The following TSPAN9 variants were observed in gnomAD, a reference collection of about 807,000 sequenced individuals.
TSPAN9 encodes the protein tetraspanin-9.
Under a neutral mutation model 31.0 loss-of-function variants are expected in TSPAN9, and 16 were observed. That is an observed-to-expected ratio of 0.52 (90% CI 0.35 to 0.78). The LOEUF (loss-of-function observed/expected upper bound fraction) is 0.78. Among genes scored for constraint, TSPAN9 ranks in the 30% least tolerant of loss-of-function variants. The probability of loss-of-function intolerance (pLI) is 0.01; values close to 1 mark genes in which losing one functional copy is unlikely to be tolerated. For synonymous variants in TSPAN9, 145 were observed against 121.6 expected (o/e 1.19, Z -1.27); for missense variants, 272 against 312.5 (o/e 0.87, Z 0.98).
At chr12:3,077,506 G>A (rs1268060774) in intron 1 of TSPAN9, 53 bp downstream of exon 1, 1 of 152,536 alleles carries the variant, frequency 6.6e-6, no homozygotes, top group East Asian at 1.9e-4. Flanking sequence ...AGCGTGCGGA[G>A]TCGCGCGGCC....
chr12:3,275,372 G>A (rs1289547819), intron 3 of TSPAN9, among the ~76,000 whole-genome samples: 1 of 152,178 alleles, frequency 6.6e-6, no homozygotes, highest in Non-Finnish European at 1.5e-5. Context: ...AGCGTGTGGG[G>A]GCGCCCTGCA....
intron 1 of TSPAN9, among the ~76,000 whole-genome samples, chr12:3,081,844 G>GTGTGTATATATATATATATATATA (rs57812985): frequency 1.7e-5 from 2 of 116,738 alleles, no homozygotes; most frequent in African/African-American, 7.3e-5. Context: ...GTCTGTGTGT[G>GTGTGTATATATATATATATATATA]TATATATATG....
chr12:3,174,619 G>T (rs1012432249), intron 2 of TSPAN9, among the ~76,000 whole-genome samples: 1 of 152,088 alleles, frequency 6.6e-6, no homozygotes, highest in African/African-American at 2.4e-5. Flanking sequence ...GTCTCACTCT[G>T]TCGCCCAGGC....
chr12:3,271,861 C>T (rs1462546198), intron 3 of TSPAN9, among the ~76,000 whole-genome samples: 1 of 152,134 alleles, frequency 6.6e-6, no homozygotes, highest in Non-Finnish European at 1.5e-5. Context: ...CTCCTGGCAC[C>T]GATGTATTGT....
chr12:3,272,646 C>A (rs764110615), intron 3 of TSPAN9, among the ~76,000 whole-genome samples: 1 of 152,096 alleles, frequency 6.6e-6, no homozygotes, highest in Non-Finnish European at 1.5e-5. Flanking sequence ...CCGGCGCTGG[C>A]AGAGGAGTCA....
intron 2 of TSPAN9, among the ~76,000 whole-genome samples, chr12:3,113,549 A>G (rs183863208): frequency 3.3e-5 from 5 of 152,296 alleles, no homozygotes; most frequent in East Asian, 3.9e-4. Context: ...TAAGTGATCA[A>G]TAGATACTTT....
chr12:3,166,293 G>A (rs555710714), intron 2 of TSPAN9, among the ~76,000 whole-genome samples: 3 of 152,140 alleles, frequency 2.0e-5, no homozygotes, highest in Non-Finnish European at 2.9e-5. Context: ...AAGCAGTAAC[G>A]CTGCCTTTCT....
intron 3 of TSPAN9, among the ~76,000 whole-genome samples, chr12:3,245,141 T>C (rs1337419947): frequency 6.6e-6 from 1 of 152,168 alleles, no homozygotes; most frequent in Non-Finnish European, 1.5e-5. Flanking sequence ...CCTCTGCTTC[T>C]CTCTGGCAGC....
chr12:3,120,699 C>T (rs563684038), intron 2 of TSPAN9, among the ~76,000 whole-genome samples: 30 of 152,384 alleles, frequency 2.0e-4, no homozygotes, highest in African/African-American at 6.7e-4. Context: ...GGACCACATA[C>T]AGTGTAAACT....
At chr12:3,155,921 C>A (rs530572229) in intron 2 of TSPAN9, among the ~76,000 whole-genome samples, 1 of 152,086 alleles carries the variant, frequency 6.6e-6, no homozygotes, top group Admixed American at 6.5e-5. Context: ...CTCTTCAGGA[C>A]GCCGAAAGGA....
At position 3,268,183 on chromosome 12, in the gene TSPAN9, C is replaced by CGTTCCTGCAGCCTGCCCTCCGTGT. The variant is rs1862575422; in HGVS notation, c.64-10219_64-10218insCGTGTGTTCCTGCAGCCTGCCCTC. 6.1e-5 allele frequency among the ~76,000 whole-genome samples: 8 copies of CGTTCCTGCAGCCTGCCCTCCGTGT among 130,758 alleles called. 1 individual carries two copies. Among genetic ancestry groups the CGTTCCTGCAGCCTGCCCTCCGTGT allele is most frequent in the Admixed American group, 5.2e-4 (7 of 13,508 alleles). 85.8% of individuals were successfully genotyped at this position (130,758 alleles called of 152,430 possible). On this transcript the variant is annotated intron_variant, in intron 3 of 8. Transcript: ENST00000011898. ...GCATTCCTGCAGCCTACCCTCCGTG[C>CGTTCCTGCAGCCTGCCCTCCGTGT]GTTCCTGCAGCCTGCCCTCTGTGCG...
chr12:3,085,626 C>G (rs1396228982), intron 2 of TSPAN9, among the ~76,000 whole-genome samples: 4 of 152,126 alleles, frequency 2.6e-5, no homozygotes. Context: ...CCTGTAACTG[C>G]TGTGCGAACT....
intron 2 of TSPAN9, among the ~76,000 whole-genome samples, chr12:3,159,923 T>C (rs1191362610): frequency 6.6e-6 from 1 of 152,228 alleles, no homozygotes; most frequent in Non-Finnish European, 1.5e-5. Flanking sequence ...GTACTTTGGT[T>C]ATGGCAGTCC....
chr12:3,236,672 C>T (rs1030431081), intron 3 of TSPAN9, among the ~76,000 whole-genome samples: 4 of 152,080 alleles, frequency 2.6e-5, no homozygotes, highest in African/African-American at 4.8e-5. Context: ...AGAGAAGAGA[C>T]GAGTAAGCCT....
rs142113338 is a variant in TSPAN9 at position 3,176,756 on chromosome 12, T to A, written c.-17-24421T>A. 4.6e-5 allele frequency among the ~76,000 whole-genome samples: 7 copies of A among 152,340 alleles called. No homozygotes were observed. The East Asian group carries it at 1.3e-3, about 29-fold the overall frequency. On this transcript the variant is annotated intron_variant, in intron 2 of 8. Transcript: ENST00000011898. ...AGAAAAACCGAAAGCAGCTCTCCCA[T>A]CTTTACATCATCTGCCTCCACACCT...
intron 3 of TSPAN9, among the ~76,000 whole-genome samples, chr12:3,225,050 C>T (rs1303529917): frequency 2.6e-5 from 4 of 151,036 alleles, no homozygotes; most frequent in Non-Finnish European, 5.9e-5. Flanking sequence ...ATCCCATAGC[C>T]CATGCGGTCA....
chr12:3,141,215 T>C (rs1418101738), intron 2 of TSPAN9, among the ~76,000 whole-genome samples: 2 of 152,098 alleles, frequency 1.3e-5, no homozygotes, highest in African/African-American at 4.8e-5. Context: ...AATCTTAACC[T>C]GTCCCCTTCA....
chr12:3,077,566 G>A (rs550438041), intron 1 of TSPAN9, 113 bp downstream of exon 1: 2 of 152,044 alleles, frequency 1.3e-5, no homozygotes, highest in South Asian at 2.0e-4. Context: ...GACCCGAGAA[G>A]GGGGAGCGGC....
intron 2 of TSPAN9, among the ~76,000 whole-genome samples, chr12:3,184,682 C>T (rs542538121): frequency 2.6e-4 from 40 of 151,888 alleles, no homozygotes; most frequent in African/African-American, 8.7e-4. Context: ...CTGCCGGGAG[C>T]CCCGGGCATG....
Sources: allele counts gnomAD v4.1 joint callset (sites outside exome capture counted in the v4.1 genomes callset), GRCh38; gene constraint gnomAD v4.1.1; transcripts MANE v1.5; gene names NCBI Gene and HGNC (gene_info 2026-07-23, HGNC 2026-07-21).